The following ZNF438 variants were observed in gnomAD, a reference collection of about 807,000 sequenced individuals.
ZNF438 encodes the protein zinc finger protein 438.
Under a neutral mutation model 38.0 loss-of-function variants are expected in ZNF438, and 25 were observed. That is an observed-to-expected ratio of 0.66 (90% CI 0.48 to 0.92). ZNF438 has a LOEUF of 0.92. Among genes scored for constraint, ZNF438 ranks in the 40% least tolerant of loss-of-function variants. The pLI is 0.00. For missense variants in ZNF438, 1,007 were observed against 999.6 expected (o/e 1.01, Z -0.10); for synonymous variants, 372 against 364.1 (o/e 1.02, Z -0.25).
intron 1 of ZNF438, among the ~76,000 whole-genome samples, chr10:30,949,621 C>G (rs1174230913): frequency 6.6e-6 from 1 of 152,120 alleles, no homozygotes; most frequent in African/African-American, 2.4e-5. Flanking sequence ...ATAAAACAGA[C>G]TTTAAACCAA....
Position 30,939,646 on chromosome 10 carries a change from A to G in ZNF438, c.-115+1929T>C, listed in dbSNP as rs1320495004. On this transcript the variant is annotated intron_variant, in intron 2 of 5. Transcript: ENST00000413025. ...TGAGAGTATCAGCAACCTACAGGTA[A>G]AAGTCTCTCCTGTAACTACTGAAAA... 3.4e-5 allele frequency among the ~76,000 whole-genome samples: 4 copies of G among 117,168 alleles called. No homozygotes were observed. In the Admixed American group the frequency reaches 3.5e-4, roughly 10 times the overall value. The allele number at this position is 117,168 out of a possible 152,430, so 76.9% of individuals were successfully genotyped here. A position where few individuals can be genotyped will look rare whatever the true frequency, so the allele number is the denominator to read the frequency against.
chr10:30,901,917 C>T (rs757551643), intron 3 of ZNF438, among the ~76,000 whole-genome samples: 5 of 152,044 alleles, frequency 3.3e-5, no homozygotes, highest in African/African-American at 4.8e-5. Context: ...TACAGACTTT[C>T]GCTGTGAGTG....
intron 4 of ZNF438, among the ~76,000 whole-genome samples, chr10:30,860,485 C>A (rs1178543554): frequency 4.6e-5 from 7 of 152,188 alleles, no homozygotes; most frequent in African/African-American, 1.4e-4. Context: ...ATCAGTGAAC[C>A]TTCAGAGGGG....
At chr10:30,902,847 C>T (rs1053680583) in intron 3 of ZNF438, among the ~76,000 whole-genome samples, 4 of 152,226 alleles carry the variant, frequency 2.6e-5, no homozygotes, top group Non-Finnish European at 5.9e-5. Flanking sequence ...GACCAGGCGC[C>T]GTGCAGCAGC....
At chr10:31,002,488 C>T (rs1399623402) in intron 1 of ZNF438, among the ~76,000 whole-genome samples, 1 of 152,146 alleles carries the variant, frequency 6.6e-6, no homozygotes, top group African/African-American at 2.4e-5. Flanking sequence ...CCCTCTAATA[C>T]TGAGTCATCA....
chr10:30,865,289 C>T (rs1252821574), intron 4 of ZNF438, among the ~76,000 whole-genome samples: 4 of 152,192 alleles, frequency 2.6e-5, no homozygotes, highest in African/African-American at 7.2e-5. Flanking sequence ...CATAGCAATG[C>T]GCAATACCCT....
intron 3 of ZNF438, among the ~76,000 whole-genome samples, chr10:30,886,547 C>T (rs1159502165): frequency 6.6e-6 from 1 of 152,166 alleles, no homozygotes; most frequent in African/African-American, 2.4e-5. Context: ...CTTAGCCTAC[C>T]TTAAACATGC....
chr10:30,959,366 G>A (rs2049211667), intron 1 of ZNF438, among the ~76,000 whole-genome samples: 1 of 146,474 alleles, frequency 6.8e-6, no homozygotes, highest in Non-Finnish European at 1.5e-5. Flanking sequence ...GACTTCATCT[G>A]CAACATTGGC....
intron 1 of ZNF438, among the ~76,000 whole-genome samples, chr10:31,022,769 G>A (rs59129970): frequency 0.041 from 6,185 of 152,130 alleles, 383 homozygotes; most frequent in African/African-American, 0.14. Flanking sequence ...TGCCTCATCC[G>A]CCATATTCAC....
At chr10:30,938,186 C>T (rs1033173720) in intron 2 of ZNF438, among the ~76,000 whole-genome samples, 1 of 152,172 alleles carries the variant, frequency 6.6e-6, no homozygotes, top group Non-Finnish European at 1.5e-5. Flanking sequence ...ATGAATTAAC[C>T]ACTCTGCTCC....
chr10:30,994,208 TG>T (rs751754036), intron 1 of ZNF438, among the ~76,000 whole-genome samples: 1 of 152,208 alleles, frequency 6.6e-6, no homozygotes, highest in Non-Finnish European at 1.5e-5. Flanking sequence ...CTGGAGCTAC[TG>T]GGATGGAATG....
chr10:30,981,459 C>T (rs780223433), intron 1 of ZNF438, among the ~76,000 whole-genome samples: 8 of 152,180 alleles, frequency 5.3e-5, no homozygotes, highest in Non-Finnish European at 1.0e-4. Context: ...GTCCGCCTCC[C>T]CATCTCAGAA....
intron 4 of ZNF438, among the ~76,000 whole-genome samples, chr10:30,853,673 C>T (rs185897454): frequency 7.7e-4 from 117 of 152,334 alleles, no homozygotes; most frequent in African/African-American, 2.5e-3. Context: ...TCCCTGCTCC[C>T]TCTTCCTGTT....
chr10:30,878,012 G>C (rs1449682464), intron 3 of ZNF438, among the ~76,000 whole-genome samples: 2 of 152,122 alleles, frequency 1.3e-5, no homozygotes, highest in African/African-American at 4.8e-5. Context: ...AACACAGACA[G>C]AACATATGAA....
At chr10:31,029,177 C>G (rs373949774) in intron 1 of ZNF438, among the ~76,000 whole-genome samples, 34 of 152,238 alleles carry the variant, frequency 2.2e-4, no homozygotes, top group South Asian at 1.9e-3. Context: ...AGACAAGTCA[C>G]TTATAACCTC....
At chr10:30,895,799 C>T (rs2041252011) in intron 3 of ZNF438, among the ~76,000 whole-genome samples, 1 of 152,124 alleles carries the variant, frequency 6.6e-6, no homozygotes, top group Admixed American at 6.5e-5. Flanking sequence ...AATGAAATAA[C>T]ACCTCACACT....
chr10:30,871,917 C>T (rs1380207528), intron 4 of ZNF438, among the ~76,000 whole-genome samples: 2 of 152,154 alleles, frequency 1.3e-5, no homozygotes, highest in Non-Finnish European at 2.9e-5. Context: ...CTCTCTCCAC[C>T]CCGACTTCTT....
chr10:30,908,011 A>C (rs2042745017), intron 3 of ZNF438, among the ~76,000 whole-genome samples: 1 of 151,960 alleles, frequency 6.6e-6, no homozygotes. Context: ...GCAGCCCATA[A>C]ATTTTGGTAT....
chr10:30,991,213 C>T (rs559307960), intron 1 of ZNF438, among the ~76,000 whole-genome samples: 22 of 152,302 alleles, frequency 1.4e-4, no homozygotes, highest in African/African-American at 5.1e-4. Flanking sequence ...TTCCCCTCAG[C>T]TCCCAAGCTG....
Sources: allele counts gnomAD v4.1 joint callset (sites outside exome capture counted in the v4.1 genomes callset), GRCh38; gene constraint gnomAD v4.1.1; transcripts MANE v1.5; gene names NCBI Gene and HGNC (gene_info 2026-07-23, HGNC 2026-07-21).